RAB37: variants seen among roughly 807,000 people sequenced by gnomAD.
RAB37 encodes RAB37, member RAS oncogene family, also known as ras-related protein Rab-37.
In RAB37, 29 loss-of-function variants were observed where a neutral mutation model predicts 33.1. The ratio of observed to expected loss-of-function variants is 0.88; its 90% CI spans 0.65 to 1.20. The LOEUF (loss-of-function observed/expected upper bound fraction) is 1.20, where lower values mean the gene tolerates loss of function less well. Among genes scored for constraint, RAB37 ranks in the 50% most tolerant of loss-of-function variants. RAB37 has a pLI of 0.00. For synonymous variants in RAB37, 128 were observed against 119.5 expected (o/e 1.07, Z -0.47); for missense variants, 299 against 301.1 (o/e 0.99, Z 0.05).
intron 1 of RAB37, among the ~76,000 whole-genome samples, chr17:74,723,575 CT>C (rs35936012): frequency 0.035 from 4,641 of 133,172 alleles, 83 homozygotes; most frequent in East Asian, 0.2. Context: ...AATTAACTAA[CT>C]TTTTTTTTTT....
At chr17:74,737,732 G>C (rs901004475) in intron 1 of RAB37, among the ~76,000 whole-genome samples, 1 of 152,200 alleles carries the variant, frequency 6.6e-6, no homozygotes, top group Non-Finnish European at 1.5e-5. Context: ...CGGAGACTCG[G>C]AGAGGACGTC....
At chr17:74,693,579 C>T (rs748442887) in intron 1 of RAB37, among the ~76,000 whole-genome samples, 4 of 151,996 alleles carry the variant, frequency 2.6e-5, no homozygotes, top group Non-Finnish European at 5.9e-5. Flanking sequence ...GATGATGAGA[C>T]GTGGTGGGGT....
At chr17:74,703,903 A>G (rs2033281934) in intron 1 of RAB37, among the ~76,000 whole-genome samples, 1 of 152,240 alleles carries the variant, frequency 6.6e-6, no homozygotes, top group Non-Finnish European at 1.5e-5. Flanking sequence ...AAGAAATATC[A>G]TTAAGTCCAC....
intron 1 of RAB37, among the ~76,000 whole-genome samples, chr17:74,725,960 G>T (rs574749842): frequency 6.6e-6 from 1 of 151,954 alleles, no homozygotes; most frequent in Non-Finnish European, 1.5e-5. Flanking sequence ...GACCTAGCAG[G>T]GCATTGTGGC....
At chr17:74,715,120 C>G (rs957553573) in intron 1 of RAB37, among the ~76,000 whole-genome samples, 1 of 152,136 alleles carries the variant, frequency 6.6e-6, no homozygotes, top group Non-Finnish European at 1.5e-5. Context: ...GAAACTCCAT[C>G]TCAAAATAAA....
chr17:74,716,655 A>G (rs975592406), intron 1 of RAB37, among the ~76,000 whole-genome samples: 2 of 152,122 alleles, frequency 1.3e-5, no homozygotes, highest in Admixed American at 1.3e-4. Flanking sequence ...ATTCAAACCC[A>G]GGCCTGGTTC....
chr17:74,737,364 A>C lies in RAB37; in HGVS notation c.92A>C (p.Lys31Thr). ...AGTCCGAGCTACGACCTCACGGGCA[A>C]GGTGGGTGGGCCTCTTCCGTGAGAC... Reference protein sequence around the residue: ...PCSPSYDLTGKVMLLGDTGVG... With the variant: ...PCSPSYDLTGTVMLLGDTGVG... The change falls in exon 1 of 9, where the codon AAG becomes ACG. Residue 31 changes from lysine (K) to threonine (T), a missense_variant and splice_region_variant. Physicochemically the swap from Lys to Thr is moderately conservative, Grantham distance 78. Coordinates refer to ENST00000392613, the MANE Select transcript of RAB37 (RefSeq NM_001006638.3). The C allele has an allele frequency of 6.4e-7, 1 of 1,566,998 alleles. No homozygotes were observed. Among genetic ancestry groups the C allele is most frequent in the South Asian group, 1.2e-5 (1 of 86,402 alleles).
chr17:74,734,746 G>A (rs1035292130), upstream of RAB37, among the ~76,000 whole-genome samples: 1 of 152,040 alleles, frequency 6.6e-6, no homozygotes, highest in African/African-American at 2.4e-5. Context: ...GGGAGGCTGA[G>A]GCAGGAGGAG....
chr17:74,712,724 C>A, intron 1 of RAB37: 1 of 1,217,610 alleles, frequency 8.2e-7, no homozygotes. Context: ...AAGGCTCATG[C>A]CATTAAGGAC....
At position 74,744,289 on chromosome 17, in the gene RAB37, C is replaced by G; in HGVS notation, c.367-19C>G. ...AGCAGGAGGAAGAGAATGCCAGTCT[C>G]GCACGCCCTCTCCCACAGGCCTGGC... On this transcript the variant is annotated intron_variant, in intron 5 of 8. Transcript: ENST00000392613. This position sits in a 1 kb window ranked among gnomAD's most constrained non-coding sequence, Gnocchi z 4.2. 3 of 1,609,612 alleles carry G rather than the reference C, an allele frequency of 1.9e-6. No homozygotes were observed. The highest frequency in any genetic ancestry group is 2.5e-6 in the Non-Finnish European group (3 of 1,177,414).
intron 1 of RAB37, chr17:74,695,029 G>A (rs982481740): frequency 1.3e-5 from 20 of 1,526,504 alleles, no homozygotes; most frequent in African/African-American, 1.2e-4. Context: ...GGGAGCAGGG[G>A]GCAGACGGTC....
chr17:74,740,945 G>GCAACC, intron 2 of RAB37, 67 bp downstream of exon 2: 2 of 1,201,584 alleles, frequency 1.7e-6, no homozygotes, highest in Non-Finnish European at 2.5e-6. Context: ...TGGGGGGGTT[G>GCAACC]CCCCCACCTT....
intron 1 of RAB37, among the ~76,000 whole-genome samples, chr17:74,706,309 G>A (rs2033508634): frequency 6.8e-6 from 1 of 146,580 alleles, no homozygotes; most frequent in Non-Finnish European, 1.5e-5. Flanking sequence ...ATCCCAAAGT[G>A]CTGCGATTAT....
intron 1 of RAB37, among the ~76,000 whole-genome samples, chr17:74,715,471 GGCACCATGCAGATACTCAGAGA>G (rs781241591): frequency 6.6e-6 from 1 of 152,204 alleles, no homozygotes; most frequent in Non-Finnish European, 1.5e-5. Context: ...CTCTGCCCAG[GGCACCATGCAGATACTCAGAGA>G]GCAATCAGCC....
At chr17:74,737,051 G>A (rs757585440), upstream of RAB37, 18 of 1,608,884 alleles carry the variant, frequency 1.1e-5, no homozygotes, top group South Asian at 1.8e-4. Flanking sequence ...AGCCGGTGTT[G>A]CTCAGGGAGG....
chr17:74,739,074 CT>C (rs2034547023), intron 1 of RAB37, among the ~76,000 whole-genome samples: 1 of 152,230 alleles, frequency 6.6e-6, no homozygotes, highest in Non-Finnish European at 1.5e-5. Context: ...TCAGCCACCC[CT>C]GCCTCTCCAC....
chr17:74,722,083 C>A (rs898873395), intron 1 of RAB37, among the ~76,000 whole-genome samples: 1 of 151,902 alleles, frequency 6.6e-6, no homozygotes, highest in African/African-American at 2.4e-5. Flanking sequence ...ATCACGAGGT[C>A]AGGAGATCGA....
intron 1 of RAB37, among the ~76,000 whole-genome samples, chr17:74,692,340 A>G (rs1357559256): frequency 6.6e-6 from 1 of 152,148 alleles, no homozygotes; most frequent in Non-Finnish European, 1.5e-5. Flanking sequence ...AAGAATAGTC[A>G]AGCTTGCTTG....
chr17:74,677,954 T>C (rs1177322428), intron 1 of RAB37, among the ~76,000 whole-genome samples: 1 of 152,142 alleles, frequency 6.6e-6, no homozygotes, highest in East Asian at 1.9e-4. Flanking sequence ...TAATGTTTCC[T>C]CTTATAAGCT....
Sources: allele counts gnomAD v4.1 joint callset (sites outside exome capture counted in the v4.1 genomes callset), GRCh38; gene constraint gnomAD v4.1.1; non-coding constraint Gnocchi (gnomAD v3.1); transcripts MANE v1.5; gene names NCBI Gene and HGNC (gene_info 2026-07-23, HGNC 2026-07-21).